SRP68: variants seen among roughly 807,000 people sequenced by gnomAD.
SRP68 encodes signal recognition particle subunit SRP68.
Under a neutral mutation model 82.2 loss-of-function variants are expected in SRP68, and 15 were observed. The observed-to-expected ratio is 0.18, with a 90% CI of 0.12 to 0.28. SRP68 has a LOEUF of 0.28. SRP68 is among the 10% of genes least tolerant of loss of function. SRP68 has a pLI of 1.00. For synonymous variants in SRP68, 261 were observed against 292.6 expected, an observed-to-expected ratio of 0.89 and a Z score of 1.10; for missense variants, 595 against 780.5, an observed-to-expected ratio of 0.76 and a Z score of 2.83.
intron 4 of SRP68, among the ~76,000 whole-genome samples, chr17:76,062,636 T>TTATATAATATACATTATATATTATATAA (rs2066767483): frequency 1.6e-5 from 1 of 62,728 alleles, no homozygotes; most frequent in African/African-American, 1.4e-4. Flanking sequence ...ACATTATATA[T>TTATATAATATACATTATATATTATATAA]TATATAATAT....
At chr17:76,042,619 C>G (rs188295876) in intron 13 of SRP68, among the ~76,000 whole-genome samples, 10 of 151,842 alleles carry the variant, frequency 6.6e-5, no homozygotes, top group Middle Eastern at 3.4e-3. Flanking sequence ...GAGTCTTGCT[C>G]TGTCACTCAG....
rs773145063 is a variant in SRP68 at position 76,072,388 on chromosome 17, C to A, written c.104G>T (p.Gly35Val). Residue 35 changes from glycine (G) to valine (V), a missense_variant, in exon 1 of 16, where the codon GGG (glycine) becomes GTG (valine). Gly to Val is a moderately radical substitution (Grantham distance 109). Transcript: ENST00000307877. The surrounding 1 kb of genome is among the most constrained non-coding windows in gnomAD (Gnocchi z 4.5). ...GCGTTCGTTTTCTTTATTTTCTTCC[C>A]CTCCGGCACCACGTCCACCGCCGCT... ...GGSGGGRGAGGEENKENERPS... is the reference protein window; with the variant it reads ...GGSGGGRGAGVEENKENERPS... 3 of 1,609,796 alleles carry A rather than the reference C, an allele frequency of 1.9e-6. No individual in the cohort carries two copies. In the Admixed American group the frequency reaches 5.0e-5, roughly 27 times the overall value.
Position 76,046,022 on chromosome 17 carries a change from G to T in SRP68, c.1299+16C>A, listed in dbSNP as rs375028198. 61 of 1,613,228 alleles carry T rather than the reference G, an allele frequency of 3.8e-5. No homozygotes were observed. The highest frequency in any genetic ancestry group is 1.7e-4 in the Middle Eastern group (1 of 5,844). On this transcript the variant is annotated intron_variant, in intron 11 of 15. Coordinates refer to ENST00000307877, the MANE Select transcript of SRP68 (RefSeq NM_014230.4). ...GAAAACCACAGGCCCTTGCCTTCCC[G>T]GTCCTCAAGGGTCACCTGTAAGATG...
intron 10 of SRP68, 106 bp downstream of exon 10, chr17:76,047,797 AAAC>A (rs1490111387): frequency 9.4e-6 from 5 of 532,878 alleles, no homozygotes; most frequent in African/African-American, 2.0e-5. Flanking sequence ...TCAAAAAAAA[AAAC>A]AAAGAAAAGA....
rs769631331 is a variant in SRP68 at position 76,045,287 on chromosome 17, G to A, written c.1394+5C>T. On this transcript the variant is annotated splice_donor_5th_base_variant and intron_variant, in intron 12 of 15. Coordinates refer to ENST00000307877, the MANE Select transcript of SRP68 (RefSeq NM_014230.4). ...AGGAAAACTGCCCATCCCATGGGAC[G>A]TTACCTGTAAGCTTTGAACACCAGA... The A allele has an allele frequency of 2.7e-5, 43 of 1,612,086 alleles. No homozygotes were observed. The highest frequency in any genetic ancestry group is 1.2e-4 in the South Asian group (11 of 90,996).
rs1555629415 is a variant in SRP68 at position 76,062,740 on chromosome 17, T to TA, written c.562-1167dup. 1.4e-4 allele frequency among the ~76,000 whole-genome samples: 3 copies of TA among 21,906 alleles called. 1 individual carries two copies. Among genetic ancestry groups the TA allele is most frequent in the African/African-American group, 3.2e-4 (1 of 3,156 alleles). The allele number at this position is 21,906 out of a possible 152,430, so 14.4% of individuals were successfully genotyped here. On this transcript the variant is annotated intron_variant, in intron 4 of 15. Transcript: ENST00000307877. ...ATATTATATTTATTTTATATATATA[T>TA]ATATATATATATATATATATATATA... is the stretch of plus-strand genomic sequence containing the variant.
Position 76,072,109 on chromosome 17 carries a change from C to T in SRP68, c.184+199G>A. On this transcript the variant is annotated intron_variant, in intron 1 of 15. Transcript: ENST00000307877. The surrounding 1 kb of genome is among the most constrained non-coding windows in gnomAD (Gnocchi z 4.5). ...CTGGAAGAAACGGACCTAGCCAGGA[C>T]GGCGAGGGGGACACGAGGAAAGACT... 1 of 1,051,186 alleles carries T rather than the reference C, an allele frequency of 9.5e-7. No homozygotes were observed. Among genetic ancestry groups the T allele is most frequent in the Non-Finnish European group, 1.4e-6 (1 of 738,224 alleles). The allele number at this position is 1,051,186 out of a possible 1,614,324, so 65.1% of individuals were successfully genotyped here.
At chr17:76,062,849 C>T (rs527507659) in intron 4 of SRP68, among the ~76,000 whole-genome samples, 2 of 140,972 alleles carry the variant, frequency 1.4e-5, no homozygotes, top group Admixed American at 7.9e-5. Context: ...CAGCTCACTG[C>T]AAGCTCCGCC....
intron 8 of SRP68, 129 bp from the exon 9 acceptor site, chr17:76,050,655 C>A (rs2066665708): frequency 9.7e-6 from 6 of 618,578 alleles, no homozygotes; most frequent in Non-Finnish European, 8.9e-6. Flanking sequence ...CACCAGATAT[C>A]ATTTTAATTG....
intron 3 of SRP68, 62 bp downstream of exon 3, chr17:76,067,155 G>A (rs2066813030): frequency 4.0e-6 from 5 of 1,236,606 alleles, no homozygotes; most frequent in African/African-American, 1.5e-5. Context: ...AGTCTACCAC[G>A]TCATTGTTCA....
chr17:76,062,554 A>G (rs1481607174), intron 4 of SRP68, among the ~76,000 whole-genome samples: 1 of 90,684 alleles, frequency 1.1e-5, no homozygotes, highest in East Asian at 2.6e-4. Flanking sequence ...ATTATATAAT[A>G]TACATTATAT....
Position 76,064,092 on chromosome 17 carries a change from G to A in SRP68, c.445C>T (p.Pro149Ser). Residue 149 changes from proline (P) to serine (S), a missense_variant, in exon 4 of 16, where the codon CCC becomes TCC. Around this residue, in one of 2 missense-constraint regions of SRP68, gnomAD observed 495 missense variants for 688.6 expected, o/e 0.72. Transcript: ENST00000307877. ...MQLKQEANTE[P>S]RKRFHLLSRL... is the part of the protein sequence containing the mutation. Reference sequence around the variant, plus strand: ...GATAACAAGTGAAACCGTTTTCGGGGTTCAGTGTTGGCTTCCTGTTTCAGC... The same window carrying A: ...GATAACAAGTGAAACCGTTTTCGGGATTCAGTGTTGGCTTCCTGTTTCAGC... 6.2e-7 allele frequency: 1 copy of A among 1,614,224 alleles called. No individual in the cohort carries two copies. Among genetic ancestry groups the A allele is most frequent in the Non-Finnish European group, 8.5e-7 (1 of 1,180,046 alleles).
At chr17:76,049,639 G>C (rs1348612514) in intron 9 of SRP68, 1 of 152,136 alleles carries the variant, frequency 6.6e-6, no homozygotes, top group African/African-American at 2.4e-5. Context: ...GGGAGTCTGG[G>C]TATGAAACGA....
chr17:76,072,439 C>T lies in SRP68; in HGVS notation c.53G>A (p.Gly18Asp), dbSNP rs1250333138. 4 of 1,582,248 alleles carry T rather than the reference C, an allele frequency of 2.5e-6. No homozygotes were observed. Among genetic ancestry groups the T allele is most frequent in the Non-Finnish European group, 8.6e-7 (1 of 1,166,328 alleles). ...ACCGCCGCCGCCACTGCCACCGCCG[C>T]CGCCACTGCCGCCGCCGCCGCCGCC... ...PGGGGGGGSG[G>D]GGGSGGGGSG... Residue 18 changes from glycine (G) to aspartate (D), a missense_variant, in exon 1 of 16, where the codon GGC becomes GAC. Transcript: ENST00000307877. The surrounding 1 kb of genome is among the most constrained non-coding windows in gnomAD (Gnocchi z 4.5).
intron 7 of SRP68, among the ~76,000 whole-genome samples, chr17:76,058,475 TC>T (rs1163849988): frequency 6.6e-6 from 1 of 151,840 alleles, no homozygotes; most frequent in East Asian, 1.9e-4. Context: ...CCCCGGCTGG[TC>T]TTGAACTCCT....
At chr17:76,053,193 G>T (rs2066687520) in intron 8 of SRP68, among the ~76,000 whole-genome samples, 1 of 151,354 alleles carries the variant, frequency 6.6e-6, no homozygotes, top group South Asian at 2.1e-4. Context: ...CTGAGACCAG[G>T]AGGTGGAGGT....
chr17:76,069,013 A>G (rs1026297594), intron 2 of SRP68, among the ~76,000 whole-genome samples: 9 of 95,874 alleles, frequency 9.4e-5, no homozygotes, highest in African/African-American at 2.4e-4. Context: ...AAATAAATAA[A>G]TATATATATA....
At chr17:76,060,647 C>A in intron 6 of SRP68, 1 of 420,934 alleles carries the variant, frequency 2.4e-6, no homozygotes. Context: ...CAACATCAAG[C>A]GTGAACCCTG....
At chr17:76,046,267 T>G (rs1425673433) in intron 10 of SRP68, 73 bp from the exon 11 acceptor site, 17 of 1,480,998 alleles carry the variant, frequency 1.1e-5, no homozygotes, top group African/African-American at 1.4e-5. Context: ...GACTACAAGT[T>G]GGGGCTGACC....
Sources: allele counts gnomAD v4.1 joint callset (sites outside exome capture counted in the v4.1 genomes callset), GRCh38; gene constraint gnomAD v4.1.1; regional missense constraint gnomAD v4.1.1; non-coding constraint Gnocchi (gnomAD v3.1); transcripts MANE v1.5; gene names NCBI Gene and HGNC (gene_info 2026-07-23, HGNC 2026-07-21).